The following ZNF365 variants were observed in gnomAD, a reference collection of about 807,000 sequenced individuals.
ZNF365 encodes the protein protein ZNF365.
Under a neutral mutation model 35.0 loss-of-function variants are expected in ZNF365, and 22 were observed. The ratio of observed to expected loss-of-function variants is 0.63; its 90% CI spans 0.45 to 0.90. The LOEUF (loss-of-function observed/expected upper bound fraction) is 0.90, where lower values mean the gene tolerates loss of function less well. Among genes scored for constraint, ZNF365 ranks in the 40% least tolerant of loss-of-function variants. The pLI, the probability that ZNF365 is intolerant of heterozygous loss-of-function variation, is 0.00. For missense variants in ZNF365, 448 were observed against 500.3 expected, an observed-to-expected ratio of 0.90 and a Z score of 1.00; for synonymous variants, 188 against 196.2, an observed-to-expected ratio of 0.96 and a Z score of 0.35.
chr10:62,449,133 G>A (rs1215879275), intron 3 of ZNF365, among the ~76,000 whole-genome samples: 1 of 152,166 alleles, frequency 6.6e-6, no homozygotes, highest in Non-Finnish European at 1.5e-5. Flanking sequence ...AGTCTTTATT[G>A]CCCAAGAGAA....
intron 3 of ZNF365, among the ~76,000 whole-genome samples, chr10:62,435,715 C>T (rs191901535): frequency 6.6e-6 from 1 of 152,208 alleles, no homozygotes; most frequent in Admixed American, 6.5e-5. Flanking sequence ...TTATTTTTAC[C>T]ATGGATATTT....
At chr10:62,379,980 TG>T (rs1839409334) in intron 2 of ZNF365, among the ~76,000 whole-genome samples, 1 of 152,322 alleles carries the variant, frequency 6.6e-6, no homozygotes, top group African/African-American at 2.4e-5. Context: ...ATAGTAGATT[TG>T]GTTTAAAAAA....
intron 4 of ZNF365, among the ~76,000 whole-genome samples, chr10:62,470,613 A>G (rs1248676506): frequency 3.9e-5 from 6 of 152,322 alleles, no homozygotes; most frequent in Non-Finnish European, 7.3e-5. Context: ...TGACCCACAG[A>G]AAGGTTGTTA....
chr10:62,465,572 G>A lies in ZNF365; in HGVS notation c.981+5775G>A, dbSNP rs147661307. The stretch of plus-strand genomic sequence containing the variant: ...TGGCTTCCCATGGACCAATCAGCAT[G>A]CACTTTTTGAGCCCATAAAAACCCC... On this transcript the variant is annotated intron_variant, in intron 4 of 4. Transcript: ENST00000395255. Among the ~76,000 whole-genome samples the A allele has an allele frequency of 5.2e-3, 792 of 152,142 alleles. 6 individuals carry two copies. The highest frequency in any genetic ancestry group is 0.018 in the African/African-American group (756 of 41,458).
intron 4 of ZNF365, among the ~76,000 whole-genome samples, chr10:62,475,961 A>ACC (rs1274973709): frequency 6.6e-6 from 1 of 152,162 alleles, no homozygotes; most frequent in Non-Finnish European, 1.5e-5. Flanking sequence ...ACACAGATGG[A>ACC]TCTTATTGAA....
At chr10:62,391,087 A>G (rs1404864503) in intron 3 of ZNF365, among the ~76,000 whole-genome samples, 1 of 152,194 alleles carries the variant, frequency 6.6e-6, no homozygotes, top group East Asian at 1.9e-4. Context: ...TCAATAATAA[A>G]TTAACCTTAG....
intron 3 of ZNF365, among the ~76,000 whole-genome samples, chr10:62,438,649 C>G (rs74158906): frequency 1.3e-5 from 2 of 152,106 alleles, no homozygotes; most frequent in African/African-American, 4.8e-5. Context: ...TAGATCAAGT[C>G]ACTCCCTTAT....
rs145574764 is a variant in ZNF365, at chr10:62,425,340, C to CATA, written c.925-34398_925-34396dup. On this transcript the variant is annotated intron_variant, in intron 3 of 4. Transcript: ENST00000395255. ...TAAATATATGACATATATAAAAATA[C>CATA]ATAATCTCAATATAAACAAAATAAC... Among the ~76,000 whole-genome samples, 899 of 152,108 alleles carry CATA rather than the reference C, an allele frequency of 5.9e-3. 9 individuals carry two copies. Among genetic ancestry groups the CATA allele is most frequent in the African/African-American group, 0.021 (860 of 41,492 alleles).
chr10:62,419,350 A>G lies in ZNF365; in HGVS notation c.924+30774A>G, dbSNP rs561831462. ...TGCACATAATGATATTTATCAATCT[A>G]AAAGGAAGACGGAGGCTGAGGCAAA... On this transcript the variant is annotated intron_variant, in intron 3 of 4. Coordinates refer to the ZNF365 transcript ENST00000395255. 1.2e-4 allele frequency among the ~76,000 whole-genome samples: 19 copies of G among 152,210 alleles called. No homozygotes were observed. The East Asian group carries it at 3.5e-3, about 28-fold the overall frequency.
intron 4 of ZNF365, among the ~76,000 whole-genome samples, chr10:62,466,201 T>A (rs938581092): frequency 6.6e-6 from 1 of 152,192 alleles, no homozygotes; most frequent in African/African-American, 2.4e-5. Flanking sequence ...TAACACCCTC[T>A]TTGGGGTTCT....
intron 3 of ZNF365, among the ~76,000 whole-genome samples, chr10:62,414,665 CCTT>C (rs1840044562): frequency 6.6e-6 from 1 of 152,176 alleles, no homozygotes; most frequent in African/African-American, 2.4e-5. Flanking sequence ...AAATTCTCCT[CCTT>C]GTCTTGCCTT....
intron 4 of ZNF365, among the ~76,000 whole-genome samples, chr10:62,479,328 A>G (rs1288653681): frequency 2.0e-5 from 3 of 152,238 alleles, no homozygotes; most frequent in African/African-American, 7.2e-5. Flanking sequence ...GAGTCAACAT[A>G]TAGAAAAAGC....
rs116662842 is a variant in ZNF365 at position 62,377,366 on chromosome 10, C to T, written c.743+430C>T. Among the ~76,000 whole-genome samples, 653 of 152,314 alleles carry T rather than the reference C, an allele frequency of 4.3e-3. 2 individuals carry two copies. Among genetic ancestry groups the T allele is most frequent in the African/African-American group, 0.015 (611 of 41,558 alleles). Reference sequence around the variant, plus strand: ...CAAGATGCTGTCTTAAGTTCAAAAACATTCCTCCAGTATAAATAAGTTTGG... The same window carrying T: ...CAAGATGCTGTCTTAAGTTCAAAAATATTCCTCCAGTATAAATAAGTTTGG... On this transcript the variant is annotated intron_variant, in intron 2 of 4. Coordinates refer to ENST00000395254, the MANE Select transcript of ZNF365 (RefSeq NM_014951.3).
At chr10:62,477,128 T>C (rs1317816948) in intron 4 of ZNF365, among the ~76,000 whole-genome samples, 1 of 152,102 alleles carries the variant, frequency 6.6e-6, no homozygotes, top group African/African-American at 2.4e-5. Flanking sequence ...CATAATCCAA[T>C]GGAAGAGAAA....
At chr10:62,479,358 A>G (rs1841184170) in intron 4 of ZNF365, among the ~76,000 whole-genome samples, 1 of 152,272 alleles carries the variant, frequency 6.6e-6, no homozygotes, top group South Asian at 2.1e-4. Flanking sequence ...AACTACAGTT[A>G]TACTGTAGAA....
rs1839633181 is a variant in ZNF365 at position 62,391,697 on chromosome 10, T to C, written c.924+3121T>C. 2.6e-5 allele frequency among the ~76,000 whole-genome samples: 4 copies of C among 152,374 alleles called. No homozygotes were observed. In the South Asian group the frequency reaches 8.3e-4, roughly 32 times the overall value. On this transcript the variant is annotated intron_variant, in intron 3 of 4. Transcript: ENST00000395254. ...TCAGTATTTTTTCAATTGCAAATTG[T>C]CCTGCTGTAAATGTGTATGCAATTA...
At chr10:62,407,029 A>G (rs77110201), downstream of ZNF365, among the ~76,000 whole-genome samples, 3,305 of 152,342 alleles carry the variant, frequency 0.022, 118 homozygotes, top group African/African-American at 0.075. Context: ...CTACAACAGT[A>G]TGGAACCAGG....
At chr10:62,418,375 A>G (rs1391673793) in intron 3 of ZNF365, among the ~76,000 whole-genome samples, 1 of 152,032 alleles carries the variant, frequency 6.6e-6, no homozygotes, top group East Asian at 1.9e-4. Context: ...CAAAGTTTAT[A>G]GGAGGCCATT....
At chr10:62,435,857 T>C (rs779855391) in intron 3 of ZNF365, among the ~76,000 whole-genome samples, 57 of 152,336 alleles carry the variant, frequency 3.7e-4, no homozygotes, top group South Asian at 8.3e-4. Flanking sequence ...AAATTTGATG[T>C]CATTATCTGA....
Sources: gnomAD v4.1 joint callset for allele counts (sites outside exome capture counted in the v4.1 genomes callset) on GRCh38, gnomAD v4.1.1 for gene constraint, MANE v1.5 for transcripts, NCBI Gene and HGNC (gene_info 2026-07-23, HGNC 2026-07-21) for gene names.